Variants in TRPM3 observed in about 807,000 individuals in gnomAD.
The protein encoded by TRPM3 is transient receptor potential cation channel subfamily M member 3, also known as long transient receptor potential channel 3.
A neutral mutation model predicts 181.2 loss-of-function variants in TRPM3; 77 were observed. That is an observed-to-expected ratio of 0.42 (90% confidence interval 0.35 to 0.51). TRPM3 has a LOEUF of 0.51. Ranked by LOEUF, TRPM3 falls within the 20% of genes least tolerant of loss-of-function variation. TRPM3 has a pLI of 0.01. For synonymous variants in TRPM3, 745 were observed against 796.4 expected (o/e 0.94, Z 1.09); for missense variants, 1,759 against 2,196.7 (o/e 0.80, Z 3.98).
chr9:71,441,586 T>C (rs2094136892), intron 1 of TRPM3, among the ~76,000 whole-genome samples: 3 of 151,758 alleles, frequency 2.0e-5, no homozygotes, highest in South Asian at 4.2e-4. Context: ...GGGCAATTGG[T>C]TGGGAGATGA....
At chr9:71,440,879 A>G (rs1037357295) in intron 1 of TRPM3, among the ~76,000 whole-genome samples, 4 of 152,250 alleles carry the variant, frequency 2.6e-5, no homozygotes, top group African/African-American at 9.6e-5. Flanking sequence ...TGGTCTAACA[A>G]AATGAAAGAA....
intron 1 of TRPM3, among the ~76,000 whole-genome samples, chr9:71,048,492 C>G (rs567513988): frequency 6.6e-6 from 1 of 152,308 alleles, no homozygotes; most frequent in East Asian, 1.9e-4. Context: ...CTTCCCCAAG[C>G]AAGCGTGCTG....
intron 1 of TRPM3, among the ~76,000 whole-genome samples, chr9:71,241,317 T>C (rs2081655072): frequency 6.6e-6 from 1 of 152,114 alleles, no homozygotes; most frequent in Non-Finnish European, 1.5e-5. Context: ...TTCACTATGG[T>C]CCTGGCCTTT....
At chr9:71,216,455 A>G (rs557892581) in intron 1 of TRPM3, among the ~76,000 whole-genome samples, 209 of 152,366 alleles carry the variant, frequency 1.4e-3, no homozygotes, top group African/African-American at 4.7e-3. Flanking sequence ...ACACAAAATA[A>G]TAAAGTATAG....
chr9:71,163,009 G>T (rs1016900013), intron 1 of TRPM3, among the ~76,000 whole-genome samples: 2 of 152,246 alleles, frequency 1.3e-5, no homozygotes, highest in East Asian at 1.9e-4. Flanking sequence ...CTGGAGTGAT[G>T]AATAGATCTC....
intron 1 of TRPM3, among the ~76,000 whole-genome samples, chr9:71,216,378 G>A (rs1444371681): frequency 6.6e-6 from 1 of 152,128 alleles, no homozygotes; most frequent in Non-Finnish European, 1.5e-5. Flanking sequence ...AGAGGCAAAG[G>A]AATCAAAGAT....
chr9:70,575,752 G>T (rs1050538220), intron 22 of TRPM3, among the ~76,000 whole-genome samples: 5 of 152,180 alleles, frequency 3.3e-5, no homozygotes, highest in Non-Finnish European at 7.3e-5. Context: ...ACTTGCCCAA[G>T]GTCGCAGGGT....
At chr9:71,112,988 C>T (rs928207426) in intron 1 of TRPM3, among the ~76,000 whole-genome samples, 1 of 152,158 alleles carries the variant, frequency 6.6e-6, no homozygotes, top group African/African-American at 2.4e-5. Context: ...AGGGGAAAAA[C>T]AAGGTAAGAA....
At chr9:70,996,175 C>A (rs1285244054) in intron 1 of TRPM3, among the ~76,000 whole-genome samples, 3 of 152,162 alleles carry the variant, frequency 2.0e-5, no homozygotes, top group Non-Finnish European at 2.9e-5. Flanking sequence ...ATATCTTCAT[C>A]TCAGAAAAAC....
intron 7 of TRPM3, among the ~76,000 whole-genome samples, chr9:70,769,289 CA>C (rs2079753696): frequency 6.6e-6 from 1 of 152,138 alleles, no homozygotes. Context: ...CAGACTCTTG[CA>C]TGCCTCTATA....
chr9:70,598,343 G>C, intron 21 of TRPM3, 76 bp downstream of exon 21: 1 of 1,552,004 alleles, frequency 6.4e-7, no homozygotes. Context: ...AGGCCCAAAT[G>C]AATTATTTCC....
chr9:71,238,029 C>T (rs2081462971), intron 1 of TRPM3, among the ~76,000 whole-genome samples: 2 of 152,162 alleles, frequency 1.3e-5, no homozygotes, highest in Admixed American at 6.5e-5. Context: ...GCAGAGGGTA[C>T]AGCGTGTATC....
intron 1 of TRPM3, among the ~76,000 whole-genome samples, chr9:71,161,977 T>C (rs1388697435): frequency 1.3e-5 from 2 of 151,836 alleles, no homozygotes. Flanking sequence ...CAAGGCAGGC[T>C]GATCACCTGA....
intron 1 of TRPM3, among the ~76,000 whole-genome samples, chr9:71,248,172 T>C (rs1254229140): frequency 1.3e-5 from 2 of 152,238 alleles, no homozygotes; most frequent in Admixed American, 1.3e-4. Context: ...CATTCACCCT[T>C]CTTACATGTT....
chr9:70,681,618 T>C, intron 8 of TRPM3, 40 bp from the exon 9 acceptor site: 3 of 1,567,354 alleles, frequency 1.9e-6, no homozygotes, highest in Non-Finnish European at 1.8e-6. Flanking sequence ...AAAGCATTTT[T>C]CCCCCAAGAG....
At chr9:70,740,964 G>A (rs1258530626) in intron 8 of TRPM3, among the ~76,000 whole-genome samples, 1 of 151,946 alleles carries the variant, frequency 6.6e-6, no homozygotes, top group Non-Finnish European at 1.5e-5. Context: ...TGAATAGATG[G>A]GACTTAAACT....
intron 22 of TRPM3, among the ~76,000 whole-genome samples, chr9:70,561,212 AAG>A (rs1459319517): frequency 6.6e-6 from 1 of 152,238 alleles, no homozygotes; most frequent in African/African-American, 2.4e-5. Flanking sequence ...TAACGAGACA[AAG>A]AGGATTTCTC....
At chr9:71,177,464 C>T (rs2077165376) in intron 1 of TRPM3, among the ~76,000 whole-genome samples, 1 of 152,072 alleles carries the variant, frequency 6.6e-6, no homozygotes, top group African/African-American at 2.4e-5. Context: ...CTATACCATC[C>T]AGGTTTGGGT....
chr9:70,970,530 T>C (rs2097232706), intron 1 of TRPM3, among the ~76,000 whole-genome samples: 1 of 152,212 alleles, frequency 6.6e-6, no homozygotes, highest in Admixed American at 6.5e-5. Flanking sequence ...ATGTTGTTTT[T>C]ATCTACTGTC....
Sources: gnomAD v4.1 joint callset for allele counts (sites outside exome capture counted in the v4.1 genomes callset) on GRCh38, gnomAD v4.1.1 for gene constraint, MANE v1.5 for transcripts, NCBI Gene and HGNC (gene_info 2026-07-23, HGNC 2026-07-21) for gene names.